PANX3: variants seen among roughly 807,000 people sequenced by gnomAD.
The protein encoded by PANX3 is pannexin 3.
PANX3 carries 18 observed loss-of-function variants against 31.5 expected under a neutral mutation model. The observed-to-expected ratio is 0.57, with a 90% CI of 0.39 to 0.85. The LOEUF (loss-of-function observed/expected upper bound fraction) is 0.85, where lower values mean the gene tolerates loss of function less well. Ranked by LOEUF, PANX3 falls within the 40% of genes least tolerant of loss-of-function variation. PANX3 has a pLI of 0.00. For missense variants in PANX3, 426 were observed against 485.4 expected (o/e 0.88, Z 1.15); for synonymous variants, 194 against 201.6 (o/e 0.96, Z 0.32).
In PANX3 at chr11:124,617,390, GGACAAAT is replaced by G; in HGVS notation, c.442_448del (p.Asp148LeufsTer13). ...ATCTGCTGTTCATCATCAGCGAACT[GGACAAAT>G]CTTATAATCGCTCCATCCGCCTCGT... On this transcript the variant is annotated frameshift_variant, in exon 3 of 4. Transcript: ENST00000284288. LOFTEE classifies it high-confidence loss of function. 6.2e-7 allele frequency: 1 copy of G among 1,614,098 alleles called. No homozygotes were observed. The highest frequency in any genetic ancestry group is 8.5e-7 in the Non-Finnish European group (1 of 1,180,056).
At position 124,619,293 on chromosome 11, in the gene PANX3, C is replaced by T. The variant is rs746029849; in HGVS notation, c.540-3C>T. 1.5e-5 allele frequency: 24 copies of T among 1,608,852 alleles called. No individual in the cohort carries two copies. Among genetic ancestry groups the T allele is most frequent in the Non-Finnish European group, 2.0e-5 (24 of 1,177,936 alleles). On this transcript the variant is annotated splice_polypyrimidine_tract_variant and splice_region_variant and intron_variant, in intron 3 of 3. Transcript: ENST00000284288. ...ACCTTGCCTCCTTCCTTCCACTGCC[C>T]AGGGCTCGGAAAGAACGATACTTTG...
chr11:124,612,881 T>C, intron 1 of PANX3, 99 bp from the exon 2 acceptor site: 1 of 1,459,332 alleles, frequency 6.9e-7, no homozygotes, highest in African/African-American at 1.4e-5. Context: ...AGACAGTCCC[T>C]GCCAGAAACA....
chr11:124,618,460 T>C (rs1265168615), intron 3 of PANX3, among the ~76,000 whole-genome samples: 1 of 152,208 alleles, frequency 6.6e-6, no homozygotes, highest in East Asian at 1.9e-4. Context: ...TATTTGCATG[T>C]CTTATCTGCC....
At chr11:124,611,827 G>A (rs1863095654) in intron 1 of PANX3, 90 bp downstream of exon 1, 2 of 1,382,420 alleles carry the variant, frequency 1.4e-6, no homozygotes, top group African/African-American at 1.4e-5. Context: ...TGCGCACAGT[G>A]ACGGGATTCC....
chr11:124,611,906 G>C (rs1054700692), intron 1 of PANX3, among the ~76,000 whole-genome samples, 169 bp downstream of exon 1: 1 of 133,626 alleles, frequency 7.5e-6, no homozygotes, highest in South Asian at 2.3e-4. Flanking sequence ...CAGCAAAGCA[G>C]AGGCACCAAA....
At chr11:124,614,334 C>T (rs1172302774) in intron 2 of PANX3, among the ~76,000 whole-genome samples, 1 of 152,174 alleles carries the variant, frequency 6.6e-6, no homozygotes, top group Non-Finnish European at 1.5e-5. Flanking sequence ...ATGGTGCCAT[C>T]TTGGCTCACT....
intron 1 of PANX3, among the ~76,000 whole-genome samples, chr11:124,611,985 T>C (rs1250720945): frequency 6.6e-6 from 1 of 152,044 alleles, no homozygotes; most frequent in Non-Finnish European, 1.5e-5. Flanking sequence ...GTTGTAATTT[T>C]AGTATTCATA....
chr11:124,613,096 A>C lies in PANX3; in HGVS notation c.298A>C (p.Lys100Gln). 1.9e-6 allele frequency: 3 copies of C among 1,613,948 alleles called. No homozygotes were observed. Among genetic ancestry groups the C allele is most frequent in the Non-Finnish European group, 1.7e-6 (2 of 1,180,006 alleles). ...TAAGCAGGACGGGCCTGGCCAGGAC[A>C]AAATGAAATCTCTCTGGCCCCACAA... The part of the protein sequence containing the change: ...HHKQDGPGQD[K>Q]MKSLWPHKAL... The change falls in exon 2 of 4, where the codon AAA becomes CAA. Residue 100 changes from lysine (K) to glutamine (Q), a missense_variant. Coordinates refer to ENST00000284288, the MANE Select transcript of PANX3 (RefSeq NM_052959.3).
Position 124,619,858 on chromosome 11 carries a change from T to G in PANX3, c.1102T>G (p.Phe368Val). The G allele has an allele frequency of 2.5e-6, 4 of 1,614,028 alleles. No homozygotes were observed. The highest frequency in any genetic ancestry group is 3.4e-6 in the Non-Finnish European group (4 of 1,179,998). ...QKHNIDTVVD[F>V]MTLLAGLEPS... ...GCACAATATTGACACAGTAGTTGAT[T>G]TTATGACTTTATTGGCTGGCTTAGA... Residue 368 changes from phenylalanine (F) to valine (V), a missense_variant, in exon 4 of 4, where the codon TTT becomes GTT. Phe to Val is a conservative substitution (Grantham distance 50, BLOSUM62 -1). Transcript: ENST00000284288.
At position 124,617,495 on chromosome 11, in the gene PANX3, T is replaced by C; in HGVS notation, c.539+7T>C. 6.2e-7 allele frequency: 1 copy of C among 1,612,996 alleles called. No homozygotes were observed. Among genetic ancestry groups the C allele is most frequent in the Middle Eastern group, 1.7e-4 (1 of 6,058 alleles). On this transcript the variant is annotated splice_region_variant and intron_variant, in intron 3 of 3. Transcript: ENST00000284288. ...TCTGGAATGAGCTGGAGAAGTGAGT[T>C]GTCTCTTCCACCTTTTTCTGAGAAA...
intron 3 of PANX3, among the ~76,000 whole-genome samples, chr11:124,618,136 G>T (rs1040051131): frequency 6.6e-6 from 1 of 152,200 alleles, no homozygotes; most frequent in Non-Finnish European, 1.5e-5. Context: ...AAAAGAAAAA[G>T]TAAAGTGGGA....
Position 124,619,598 on chromosome 11 carries a change from C to G in PANX3, c.842C>G (p.Thr281Ser). The stretch of plus-strand genomic sequence containing the variant: ...AGCCTCTCCAGTGTAGCAATATACA[C>G]CATATTGGTTCCAGTGATAATATAC... Reference protein sequence around the residue: ...IVSLSSVAIYTILVPVIIYNL... With the variant: ...IVSLSSVAIYSILVPVIIYNL... Residue 281 changes from threonine to serine, a missense_variant, in exon 4 of 4, where the codon ACC (threonine) becomes AGC (serine). Thr to Ser is a moderately conservative substitution (Grantham distance 58, BLOSUM62 1). Transcript: ENST00000284288. 2 of 1,614,112 alleles carry G rather than the reference C, an allele frequency of 1.2e-6. No homozygotes were observed. The highest frequency in any genetic ancestry group is 1.7e-6 in the Non-Finnish European group (2 of 1,180,006).
Position 124,612,967 on chromosome 11 carries a change from G to T in PANX3, c.182-13G>T. On this transcript the variant is annotated splice_polypyrimidine_tract_variant and intron_variant, in intron 1 of 3. Coordinates refer to ENST00000284288, the MANE Select transcript of PANX3 (RefSeq NM_052959.3). ...CCAACTCAGGCGGCCTCAAAGCTGTGTTCCTGTTGCAGGGTCTCCGATCAG... is the reference window on the plus strand; with the variant it reads ...CCAACTCAGGCGGCCTCAAAGCTGTTTTCCTGTTGCAGGGTCTCCGATCAG... 6.2e-7 allele frequency: 1 copy of T among 1,613,532 alleles called. No individual in the cohort carries two copies. Among genetic ancestry groups the T allele is most frequent in the Non-Finnish European group, 8.5e-7 (1 of 1,179,648 alleles).
rs980232781 is a variant in PANX3, at chr11:124,616,036, T to A, written c.325-1238T>A. Among the ~76,000 whole-genome samples, 19 of 151,984 alleles carry A rather than the reference T, an allele frequency of 1.3e-4. No individual in the cohort carries two copies. The highest frequency in any genetic ancestry group is 2.4e-4 in the Non-Finnish European group (16 of 67,994). On this transcript the variant is annotated intron_variant, in intron 2 of 3. Coordinates refer to ENST00000284288, the MANE Select transcript of PANX3 (RefSeq NM_052959.3). The surrounding 1 kb of genome is among the most constrained non-coding windows in gnomAD (Gnocchi z 4.8). ...CTCAATAAATAAATAAATAAATAAA[T>A]AAAAATCTTTACAAGTAGAGATTTT...
Position 124,617,353 on chromosome 11 carries a change from C to T in PANX3, c.404C>T (p.Ala135Val). Residue 135 changes from alanine (A) to valine (V), a missense_variant, in exon 3 of 4, where the codon GCC becomes GTC. Ala to Val is a moderately conservative substitution (Grantham distance 64). Transcript: ENST00000284288. ...CTGTGGCAGTATGCAGCTGTGCCAG[C>T]CCTCAGCTCCGATCTGCTGTTCATC... Reference protein sequence around the residue: ...VLLWQYAAVPALSSDLLFIIS... With the variant: ...VLLWQYAAVPVLSSDLLFIIS... The T allele has an allele frequency of 1.2e-6, 2 of 1,613,160 alleles. No homozygotes were observed. The highest frequency in any genetic ancestry group is 1.7e-6 in the Non-Finnish European group (2 of 1,180,026).
At chr11:124,615,023 C>T (rs1863137375) in intron 2 of PANX3, among the ~76,000 whole-genome samples, 1 of 151,926 alleles carries the variant, frequency 6.6e-6, no homozygotes, top group Admixed American at 6.6e-5. Flanking sequence ...TTCTCTAGAG[C>T]CTGGTGTGCC....
intron 1 of PANX3, 28 bp from the exon 2 acceptor site, chr11:124,612,952 C>G: frequency 6.2e-7 from 1 of 1,610,386 alleles, no homozygotes; most frequent in Non-Finnish European, 8.5e-7. Flanking sequence ...CCAACTCAGG[C>G]GGCCTCAAAG....
chr11:124,619,324 C>T lies in PANX3; in HGVS notation c.568C>T (p.Pro190Ser). ...KARKERYFEF[P>S]LLERYLACKQ... ...TCGGAAAGAACGATACTTTGAATTC[C>T]CTTTGCTAGAGCGGTACCTGGCATG... Residue 190 changes from proline to serine, a missense_variant, in exon 4 of 4, where the codon CCT (proline) becomes TCT (serine). Coordinates refer to ENST00000284288, the MANE Select transcript of PANX3 (RefSeq NM_052959.3). The T allele has an allele frequency of 6.2e-7, 1 of 1,613,720 alleles. No individual in the cohort carries two copies. The highest frequency in any genetic ancestry group is 8.5e-7 in the Non-Finnish European group (1 of 1,179,890).
chr11:124,617,634 T>C, intron 3 of PANX3, 146 bp downstream of exon 3: 6 of 777,580 alleles, frequency 7.7e-6, no homozygotes, highest in Non-Finnish European at 1.3e-5. Flanking sequence ...CTTTCTATTG[T>C]TTCTGTAAAG....
Sources: gnomAD v4.1 joint callset for allele counts (sites outside exome capture counted in the v4.1 genomes callset) on GRCh38, gnomAD v4.1.1 for gene constraint, Gnocchi (gnomAD v3.1) non-coding constraint, MANE v1.5 for transcripts, NCBI Gene and HGNC (gene_info 2026-07-23, HGNC 2026-07-21) for gene names.